Variants in FARS2 observed in about 807,000 individuals in gnomAD.
FARS2 encodes the protein phenylalanyl-tRNA synthetase 2, mitochondrial.
Under a neutral mutation model 46.4 loss-of-function variants are expected in FARS2, and 40 were observed. That is an observed-to-expected ratio of 0.86 (90% CI 0.67 to 1.12). The LOEUF (loss-of-function observed/expected upper bound fraction) is 1.12. FARS2 is among the 50% of genes most tolerant of loss of function. The pLI is 0.00. For synonymous variants in FARS2, 234 were observed against 214.9 expected, an observed-to-expected ratio of 1.09 and a Z score of -0.78; for missense variants, 513 against 567.9, an observed-to-expected ratio of 0.90 and a Z score of 0.98.
rs537239075 is a variant in FARS2 at position 5,624,117 on chromosome 6, G to A, written c.1217+10797G>A. On this transcript the variant is annotated intron_variant, in intron 6 of 6. Transcript: ENST00000274680. Reference sequence around the variant, plus strand: ...ATTTTTATTGTAATGCTGGTGATGTGGGTATAAGAACTTTTGTTGTGGTGG... The same window carrying A: ...ATTTTTATTGTAATGCTGGTGATGTAGGTATAAGAACTTTTGTTGTGGTGG... 4.0e-5 allele frequency among the ~76,000 whole-genome samples: 6 copies of A among 150,272 alleles called. No individual in the cohort carries two copies. The East Asian group carries it at 1.2e-3, about 29-fold the overall frequency.
intron 6 of FARS2, among the ~76,000 whole-genome samples, chr6:5,713,500 C>T (rs555043950): frequency 1.7e-4 from 26 of 152,322 alleles, no homozygotes; most frequent in Admixed American, 1.4e-3. Flanking sequence ...GGTCTGGAGA[C>T]GTTGACGCTT....
chr6:5,705,730 C>T (rs1758711111), intron 6 of FARS2, among the ~76,000 whole-genome samples: 1 of 152,164 alleles, frequency 6.6e-6, no homozygotes, highest in Admixed American at 6.5e-5. Flanking sequence ...GGAATGTTCC[C>T]ATTTCTTGAA....
chr6:5,679,575 C>G (rs991039584), intron 6 of FARS2, among the ~76,000 whole-genome samples: 1 of 152,144 alleles, frequency 6.6e-6, no homozygotes, highest in Non-Finnish European at 1.5e-5. Flanking sequence ...TCCCTCTTTT[C>G]CCAGGGTCTC....
intron 6 of FARS2, among the ~76,000 whole-genome samples, chr6:5,736,323 C>G (rs1439295686): frequency 6.6e-6 from 1 of 152,212 alleles, no homozygotes; most frequent in Non-Finnish European, 1.5e-5. Context: ...CTGCCATATT[C>G]TCTTGAACAC....
At chr6:5,268,564 T>C (rs972436982) in intron 1 of FARS2, among the ~76,000 whole-genome samples, 1 of 152,122 alleles carries the variant, frequency 6.6e-6, no homozygotes, top group Non-Finnish European at 1.5e-5. Flanking sequence ...TTGATCTATA[T>C]CTCTGTTTTG....
intron 4 of FARS2, among the ~76,000 whole-genome samples, chr6:5,478,006 C>G (rs438608): frequency 0.44 from 67,425 of 151,986 alleles, 15,570 homozygotes; most frequent in African/African-American, 0.56. Context: ...GGTGAAAGAG[C>G]GAGACCCTGT....
At chr6:5,624,345 T>G (rs1451795816) in intron 6 of FARS2, among the ~76,000 whole-genome samples, 3 of 152,118 alleles carry the variant, frequency 2.0e-5, no homozygotes, top group Non-Finnish European at 4.4e-5. Context: ...CCAAACACCT[T>G]GTTCCTCCTT....
chr6:5,362,136 C>T (rs1448634756), intron 1 of FARS2, among the ~76,000 whole-genome samples: 1 of 152,152 alleles, frequency 6.6e-6, no homozygotes, highest in Non-Finnish European at 1.5e-5. Context: ...GAGAAGTGGA[C>T]TTGACCACCA....
At chr6:5,509,669 G>A (rs150819151) in intron 4 of FARS2, among the ~76,000 whole-genome samples, 15 of 152,328 alleles carry the variant, frequency 9.8e-5, no homozygotes, top group East Asian at 1.9e-4. Flanking sequence ...CTAGCTTGGC[G>A]CCAGAGCGGG....
chr6:5,614,243 T>C (rs969554907), intron 6 of FARS2, among the ~76,000 whole-genome samples: 1 of 152,186 alleles, frequency 6.6e-6, no homozygotes, highest in African/African-American at 2.4e-5. Flanking sequence ...TGGTCCCCTT[T>C]GGCTCCTAGC....
At chr6:5,497,427 T>G (rs1278264371) in intron 4 of FARS2, among the ~76,000 whole-genome samples, 1 of 152,196 alleles carries the variant, frequency 6.6e-6, no homozygotes, top group Non-Finnish European at 1.5e-5. Context: ...CTGATGAGAA[T>G]GAAAATCTTA....
At chr6:5,612,850 C>T (rs1036924264) in intron 5 of FARS2, among the ~76,000 whole-genome samples, 5 of 152,054 alleles carry the variant, frequency 3.3e-5, no homozygotes, top group African/African-American at 1.2e-4. Flanking sequence ...AACTTTTCTC[C>T]TCTAGTATTC....
At chr6:5,649,433 C>T (rs1777235185) in intron 6 of FARS2, among the ~76,000 whole-genome samples, 1 of 152,184 alleles carries the variant, frequency 6.6e-6, no homozygotes, top group South Asian at 2.1e-4. Context: ...TTGGGGGCAA[C>T]CCTGGAACCC....
At chr6:5,460,966 CTGTG>C (rs567577090) in intron 4 of FARS2, among the ~76,000 whole-genome samples, 1 of 149,224 alleles carries the variant, frequency 6.7e-6, no homozygotes, top group South Asian at 2.1e-4. Context: ...CACACCAGGG[CTGTG>C]TGTGTGTGTG....
chr6:5,686,444 C>G (rs866237795), intron 6 of FARS2, among the ~76,000 whole-genome samples: 14 of 151,952 alleles, frequency 9.2e-5, no homozygotes, highest in African/African-American at 2.4e-5. Context: ...TGAGTGAGAA[C>G]ATGTGGTGTT....
intron 6 of FARS2, among the ~76,000 whole-genome samples, chr6:5,651,538 AG>A (rs1777362677): frequency 6.6e-6 from 1 of 152,236 alleles, no homozygotes; most frequent in African/African-American, 2.4e-5. Flanking sequence ...AAAAAAAGCA[AG>A]GCAAGAACCA....
intron 4 of FARS2, among the ~76,000 whole-genome samples, chr6:5,461,088 G>C (rs182076084): frequency 6.6e-5 from 10 of 151,952 alleles, no homozygotes; most frequent in Non-Finnish European, 1.5e-4. Flanking sequence ...ATTTAAGTTG[G>C]AGTGCAGTGG....
At chr6:5,532,763 A>G (rs934969354) in intron 4 of FARS2, among the ~76,000 whole-genome samples, 8 of 137,586 alleles carry the variant, frequency 5.8e-5, no homozygotes, top group Non-Finnish European at 1.2e-4. Flanking sequence ...AAGTAGTAGT[A>G]GTAATAATAA....
chr6:5,539,325 G>C (rs1298191525), intron 4 of FARS2, among the ~76,000 whole-genome samples: 1 of 145,164 alleles, frequency 6.9e-6, no homozygotes, highest in Non-Finnish European at 1.5e-5. Context: ...TCCTACCTCA[G>C]CCTCCCAAGT....
Sources: allele counts gnomAD v4.1 joint callset (sites outside exome capture counted in the v4.1 genomes callset), GRCh38; gene constraint gnomAD v4.1.1; transcripts MANE v1.5; gene names NCBI Gene and HGNC (gene_info 2026-07-23, HGNC 2026-07-21).